The following PREX2 variants were observed in gnomAD, a reference collection of about 807,000 sequenced individuals.
PREX2 encodes the protein phosphatidylinositol-3,4,5-trisphosphate dependent Rac exchange factor 2, also known as phosphatidylinositol 3,4,5-trisphosphate-dependent Rac exchanger 2 protein.
PREX2 carries 107 observed loss-of-function variants against 203.2 expected under a neutral mutation model. The observed-to-expected ratio is 0.53, with a 90% confidence interval of 0.45 to 0.62. PREX2 has a LOEUF of 0.62. Ranked by LOEUF, PREX2 falls within the 20% of genes least tolerant of loss-of-function variation. PREX2 has a pLI of 0.00. For synonymous variants in PREX2, 672 were observed against 663.6 expected, an observed-to-expected ratio of 1.01 and a Z score of -0.19; for missense variants, 1,777 against 1,955.9, an observed-to-expected ratio of 0.91 and a Z score of 1.72.
intron 8 of PREX2, 147 bp downstream of exon 8, chr8:68,044,737 G>C: frequency 1.6e-6 from 1 of 631,114 alleles, no homozygotes; most frequent in South Asian, 2.2e-5. Flanking sequence ...AGAGAAAAGA[G>C]AAAGGTGAGA....
Position 68,030,518 on chromosome 8 carries a change from C to G in PREX2, c.565C>G (p.Arg189Gly). 1 of 1,612,918 alleles carries G rather than the reference C, an allele frequency of 6.2e-7. No individual in the cohort carries two copies. Among genetic ancestry groups the G allele is most frequent in the Non-Finnish European group, 8.5e-7 (1 of 1,179,294 alleles). The change falls in exon 6 of 40, where the codon CGG (arginine) becomes GGG (glycine). Residue 189 changes from arginine (R) to glycine (G), a missense_variant. Physicochemically the swap from Arg to Gly is moderately radical, Grantham distance 125 (BLOSUM62 -2). Coordinates refer to ENST00000288368, the MANE Select transcript of PREX2 (RefSeq NM_024870.4). ...ACAGGAGTTGCTGAAGCGGACTCCA[C>G]GGAAACACAGTGACTATGCAGCAGT... ...ILKELLKRTPRKHSDYAAVME... is the reference protein window; with the variant it reads ...ILKELLKRTPGKHSDYAAVME...
At chr8:68,190,859 A>G (rs962861905) in intron 35 of PREX2, among the ~76,000 whole-genome samples, 3 of 152,096 alleles carry the variant, frequency 2.0e-5, no homozygotes, top group Non-Finnish European at 2.9e-5. Context: ...TTTTATCTCC[A>G]TAGATGATTC....
chr8:68,208,365 A>C (rs1275853521), intron 37 of PREX2, among the ~76,000 whole-genome samples: 1 of 152,192 alleles, frequency 6.6e-6, no homozygotes, highest in Admixed American at 6.5e-5. Flanking sequence ...TCACGAAACA[A>C]AGATTTTTGG....
intron 33 of PREX2, among the ~76,000 whole-genome samples, chr8:68,145,631 A>G (rs1211581955): frequency 2.0e-5 from 3 of 152,254 alleles, no homozygotes; most frequent in Middle Eastern, 3.4e-3. Context: ...ACTGAAATTT[A>G]GTTTTCAAGT....
chr8:68,215,840 A>G (rs1175152546), intron 37 of PREX2, among the ~76,000 whole-genome samples: 2 of 152,056 alleles, frequency 1.3e-5, no homozygotes, highest in African/African-American at 4.8e-5. Context: ...CCCGGCTGAA[A>G]ACTGATTTTT....
chr8:68,224,516 A>T, intron 38 of PREX2, 43 bp from the exon 39 acceptor site: 2 of 1,431,172 alleles, frequency 1.4e-6, no homozygotes, highest in Non-Finnish European at 2.0e-6. Flanking sequence ...TTAAATTATT[A>T]CTAACACACT....
chr8:68,155,382 T>G (rs566248936), intron 34 of PREX2, among the ~76,000 whole-genome samples: 1 of 152,296 alleles, frequency 6.6e-6, no homozygotes, highest in Non-Finnish European at 1.5e-5. Flanking sequence ...AAGTATAAAC[T>G]GGTTTTTTAA....
intron 11 of PREX2, 33 bp from the exon 12 acceptor site, chr8:68,069,000 C>T (rs775082154): frequency 2.8e-5 from 24 of 864,700 alleles, no homozygotes; most frequent in Middle Eastern, 2.3e-4. Flanking sequence ...TTTAGAGTAT[C>T]GTTATTTTAA....
chr8:68,037,270 G>GCA (rs1808060601), intron 6 of PREX2, among the ~76,000 whole-genome samples: 1 of 152,140 alleles, frequency 6.6e-6, no homozygotes, highest in Admixed American at 6.5e-5. Context: ...CTCTTGCAGA[G>GCA]CACACATATA....
chr8:68,074,879 G>A (rs561968631), intron 14 of PREX2, among the ~76,000 whole-genome samples: 2 of 152,256 alleles, frequency 1.3e-5, no homozygotes, highest in African/African-American at 4.8e-5. Context: ...TATATTGTGC[G>A]ATGTCATCTT....
chr8:68,084,977 T>C (rs957598596), intron 18 of PREX2, among the ~76,000 whole-genome samples: 1 of 152,158 alleles, frequency 6.6e-6, no homozygotes, highest in Non-Finnish European at 1.5e-5. Context: ...TCCTCAGTCA[T>C]AGACTTAGTT....
At position 68,037,506 on chromosome 8, in the gene PREX2, C is replaced by T. The variant is rs533416122; in HGVS notation, c.706-653C>T. Among the ~76,000 whole-genome samples, 140 of 152,278 alleles carry T rather than the reference C, an allele frequency of 9.2e-4. 6 individuals are homozygous for T. The South Asian group carries it at 0.028, about 31-fold the overall frequency. ...GGCCCAGGCTCCTCCCATCTTGTGG[C>T]TCCTCTTCAGTTCTAGTGGCCAGTG... On this transcript the variant is annotated intron_variant, in intron 6 of 39. Transcript: ENST00000288368.
At chr8:67,977,850 A>G (rs1941919599) in intron 1 of PREX2, among the ~76,000 whole-genome samples, 1 of 152,206 alleles carries the variant, frequency 6.6e-6, no homozygotes, top group Non-Finnish European at 1.5e-5. Flanking sequence ...TAGAAAAGGC[A>G]TGGAAGCTCT....
intron 37 of PREX2, among the ~76,000 whole-genome samples, chr8:68,215,054 G>A (rs897392352): frequency 6.6e-6 from 1 of 152,176 alleles, no homozygotes; most frequent in Non-Finnish European, 1.5e-5. Context: ...TGTGTGATTG[G>A]TTGCAAATCA....
chr8:68,193,363 G>A (rs1396452297), intron 37 of PREX2, among the ~76,000 whole-genome samples: 1 of 152,122 alleles, frequency 6.6e-6, no homozygotes. Flanking sequence ...CACAGAACAT[G>A]CAGTTTTGTT....
intron 6 of PREX2, among the ~76,000 whole-genome samples, chr8:68,036,735 C>T (rs6980881): frequency 0.092 from 13,895 of 151,852 alleles, 1,952 homozygotes; most frequent in African/African-American, 0.3. Context: ...CACCTGAGGT[C>T]GGGAGTTTGA....
intron 35 of PREX2, among the ~76,000 whole-genome samples, chr8:68,189,938 A>G (rs1434754): frequency 0.9 from 137,567 of 152,308 alleles, 62,197 homozygotes; most frequent in East Asian, 1. Context: ...CATTTTGGAA[A>G]TTAGTCTTTA....
At chr8:68,206,032 G>T (rs1440109935) in intron 37 of PREX2, among the ~76,000 whole-genome samples, 1 of 152,166 alleles carries the variant, frequency 6.6e-6, no homozygotes, top group Non-Finnish European at 1.5e-5. Flanking sequence ...GACCAAGCTT[G>T]TGATTGTTGA....
intron 7 of PREX2, 88 bp from the exon 8 acceptor site, chr8:68,044,399 T>A: frequency 1.1e-6 from 1 of 913,518 alleles, no homozygotes; most frequent in Non-Finnish European, 1.7e-6. Context: ...TTGGTGTCTT[T>A]TTTCAAAGAA....
Sources: allele counts gnomAD v4.1 joint callset (sites outside exome capture counted in the v4.1 genomes callset), GRCh38; gene constraint gnomAD v4.1.1; transcripts MANE v1.5; gene names NCBI Gene and HGNC (gene_info 2026-07-23, HGNC 2026-07-21).